The following BPIFB4 variants were observed in gnomAD, a reference collection of about 807,000 sequenced individuals.
BPIFB4 encodes the protein BPI fold containing family B member 4, also known as BPI fold-containing family B member 4.
BPIFB4 carries 62 observed loss-of-function variants against 69.2 expected under a neutral mutation model. That is an observed-to-expected ratio of 0.90 (90% CI 0.73 to 1.11). BPIFB4 has a LOEUF of 1.11. Ranked by LOEUF, BPIFB4 falls within the 50% of genes least tolerant of loss-of-function variation. The pLI is 0.00. For missense variants in BPIFB4, 789 were observed against 792.0 expected (o/e 1.00, Z 0.04); for synonymous variants, 330 against 332.7 (o/e 0.99, Z 0.09).
Position 33,084,928 on chromosome 20 carries a change from C to T in BPIFB4, c.714C>T (p.Ser238=), listed in dbSNP as rs140769900. 9 of 1,610,762 alleles carry T rather than the reference C, an allele frequency of 5.6e-6. No homozygotes were observed. Among genetic ancestry groups the T allele is most frequent in the South Asian group, 5.5e-5 (5 of 91,058 alleles). The change falls in exon 6 of 18, where the codon TCC becomes TCT. Residue 238 remains serine, a synonymous_variant. Transcript: ENST00000375483. ...RIVELTLPRV[S]VRLLPGVGVY... ...TGGAGCTGACCCTCCCTCGGGTGTC[C>T]GTGCGGCTCCTGCCCGGCGTGGGTG...
At chr20:33,105,741 C>T (rs567589910) in intron 16 of BPIFB4, among the ~76,000 whole-genome samples, 43 of 152,282 alleles carry the variant, frequency 2.8e-4, no homozygotes, top group Admixed American at 2.7e-3. Context: ...GTTCTGGGCC[C>T]TGTGGTCAGA....
At chr20:33,104,628 T>TGG (rs373940558) in intron 15 of BPIFB4, 182 bp from the exon 16 acceptor site, 113 of 571,112 alleles carry the variant, frequency 2.0e-4, no homozygotes, top group African/African-American at 1.9e-3. Flanking sequence ...TGCAAGTTGA[T>TGG]GGGGGGCACC....
rs1271417747 is a variant in BPIFB4 at position 33,108,436 on chromosome 20, T to TATATATATACACACACAC, written c.1821+617_1821+618insTATATATACACACACACA. The stretch of plus-strand genomic sequence containing the variant: ...ATATATATATGTCTATATATATATA[T>TATATATATACACACACAC]AGACATATATACAATCCAGCAATTC... On this transcript the variant is annotated intron_variant, in intron 17 of 17. Coordinates refer to ENST00000375483, the MANE Select transcript of BPIFB4 (RefSeq NM_182519.3). 5.0e-3 allele frequency among the ~76,000 whole-genome samples: 740 copies of TATATATATACACACACAC among 148,558 alleles called. 5 individuals carry two copies. Among genetic ancestry groups the TATATATATACACACACAC allele is most frequent in the African/African-American group, 0.017 (694 of 40,268 alleles).
intron 7 of BPIFB4, among the ~76,000 whole-genome samples, chr20:33,087,442 G>C (rs13042908): frequency 3.3e-5 from 5 of 151,930 alleles, no homozygotes; most frequent in African/African-American, 1.2e-4. Context: ...CCTATTGGGA[G>C]AATTTTCTGC....
chr20:33,089,454 T>C (rs746054910), intron 8 of BPIFB4, 44 bp from the exon 9 acceptor site: 11 of 1,614,000 alleles, frequency 6.8e-6, no homozygotes, highest in Non-Finnish European at 7.6e-6. Context: ...TTGCTCCTAC[T>C]CCCTGCAGCG....
chr20:33,083,934 A>G, intron 5 of BPIFB4, 60 bp downstream of exon 5: 2 of 1,515,998 alleles, frequency 1.3e-6, no homozygotes, highest in Non-Finnish European at 1.8e-6. Flanking sequence ...GGGGGTGATC[A>G]CTCCCTGAAG....
At position 33,086,026 on chromosome 20, in the gene BPIFB4, T is replaced by C. The variant is rs558154507; in HGVS notation, c.788T>C (p.Ile263Thr). 3 of 1,607,366 alleles carry C rather than the reference T, an allele frequency of 1.9e-6. No homozygotes were observed. The highest frequency in any genetic ancestry group is 1.1e-5 in the South Asian group (1 of 90,962). ...GGCCCCTTGGCCTCCTCCAGTCTTA[T>C]TGGCTTCCTGGACATCGCAGTAGAA... ...TRVAINGKSLIGFLDIAVEVN... is the reference protein window; with the variant it reads ...TRVAINGKSLTGFLDIAVEVN... The change falls in exon 7 of 18, where the codon ATT becomes ACT. Residue 263 changes from isoleucine (I) to threonine (T), a missense_variant. Ile to Thr is a moderately conservative substitution (Grantham distance 89). Transcript: ENST00000375483.
At chr20:33,085,962 G>A in intron 6 of BPIFB4, 59 bp from the exon 7 acceptor site, 1 of 1,555,008 alleles carries the variant, frequency 6.4e-7, no homozygotes, top group Non-Finnish European at 8.8e-7. Context: ...CTGGGTAAGG[G>A]TGAGCTCCTG....
At chr20:33,090,311 C>T (rs1485277418) in intron 9 of BPIFB4, among the ~76,000 whole-genome samples, 1 of 152,206 alleles carries the variant, frequency 6.6e-6, no homozygotes, top group African/African-American at 2.4e-5. Flanking sequence ...AAAGCTGGGG[C>T]TGTTCATTAC....
At chr20:33,088,158 T>G (rs1258523770) in intron 7 of BPIFB4, among the ~76,000 whole-genome samples, 2 of 151,998 alleles carry the variant, frequency 1.3e-5, no homozygotes, top group Non-Finnish European at 2.9e-5. Context: ...TCGTCGATTT[T>G]CCTCCTTAAC....
chr20:33,104,534 G>A (rs969617153), intron 15 of BPIFB4, among the ~76,000 whole-genome samples: 4 of 152,194 alleles, frequency 2.6e-5, no homozygotes, highest in African/African-American at 9.7e-5. Context: ...CCCAGGGGAG[G>A]AACTAGGCCT....
intron 11 of BPIFB4, 34 bp downstream of exon 11, chr20:33,092,692 G>A: frequency 1.9e-6 from 3 of 1,569,660 alleles, no homozygotes; most frequent in Non-Finnish European, 1.7e-6. Flanking sequence ...GAGGTGGCTG[G>A]GCAGCAGACA....
chr20:33,081,461 C>G, intron 2 of BPIFB4, 51 bp from the exon 3 acceptor site: 1 of 1,531,142 alleles, frequency 6.5e-7, no homozygotes, highest in Non-Finnish European at 8.8e-7. Context: ...TACCTGCTGG[C>G]CAGGGTGGTG....
rs2146404371 is a variant in BPIFB4 at position 33,086,173 on chromosome 20, T to C, written c.926+9T>C. 6.2e-7 allele frequency: 1 copy of C among 1,601,654 alleles called. No homozygotes were observed. The highest frequency in any genetic ancestry group is 8.5e-7 in the Non-Finnish European group (1 of 1,169,662). On this transcript the variant is annotated intron_variant, in intron 7 of 17. Coordinates refer to ENST00000375483, the MANE Select transcript of BPIFB4 (RefSeq NM_182519.3). ...GTCAAGCTGCTGCGAGGGTGAGTGCTAGCCGGCAGTGGAGTGCCTTGGGGG... is the reference window on the plus strand; with the variant it reads ...GTCAAGCTGCTGCGAGGGTGAGTGCCAGCCGGCAGTGGAGTGCCTTGGGGG...
intron 10 of BPIFB4, 55 bp from the exon 11 acceptor site, chr20:33,092,403 C>T: frequency 1.3e-6 from 2 of 1,503,688 alleles, no homozygotes; most frequent in Non-Finnish European, 9.1e-7. Context: ...AGCCTTCAGT[C>T]CCCTTCTTTC....
At chr20:33,098,735 A>C (rs962599633) in intron 13 of BPIFB4, among the ~76,000 whole-genome samples, 1 of 129,806 alleles carries the variant, frequency 7.7e-6, no homozygotes, top group Non-Finnish European at 1.6e-5. Context: ...ACAGAGCAAG[A>C]CTCCATCTCA....
intron 7 of BPIFB4, among the ~76,000 whole-genome samples, chr20:33,087,830 C>T (rs1414050164): frequency 1.3e-5 from 2 of 151,712 alleles, no homozygotes; most frequent in African/African-American, 2.4e-5. Context: ...AGGATAAGCC[C>T]GTCAAGGTGA....
chr20:33,095,004 G>A, intron 11 of BPIFB4, 96 bp from the exon 12 acceptor site: 1 of 1,237,510 alleles, frequency 8.1e-7, no homozygotes, highest in Non-Finnish European at 1.2e-6. Flanking sequence ...CCTGCTGGGT[G>A]TTGTAAAGCA....
rs1982242411 is a variant in BPIFB4, at chr20:33,111,640, G to C, written c.*203G>C. The C allele has an allele frequency of 1.6e-6, 1 of 623,316 alleles. No homozygotes were observed. Among genetic ancestry groups the C allele is most frequent in the East Asian group, 2.8e-5 (1 of 35,858 alleles). 38.6% of individuals were successfully genotyped at this position (623,316 alleles called of 1,614,324 possible). A position where few individuals can be genotyped will look rare whatever the true frequency, so the allele number is the denominator to read the frequency against. Reference sequence around the variant, plus strand: ...CTGTTGGCAAACATTCCCTTCCATGGTCAGCCTGCCAGGAGGAGGGGAGTC... The same window carrying C: ...CTGTTGGCAAACATTCCCTTCCATGCTCAGCCTGCCAGGAGGAGGGGAGTC... On this transcript the variant is annotated 3_prime_UTR_variant, in exon 18 of 18. Coordinates refer to ENST00000375483, the MANE Select transcript of BPIFB4 (RefSeq NM_182519.3).
Sources: gnomAD v4.1 joint callset for allele counts (sites outside exome capture counted in the v4.1 genomes callset) on GRCh38, gnomAD v4.1.1 for gene constraint, MANE v1.5 for transcripts, NCBI Gene and HGNC (gene_info 2026-07-23, HGNC 2026-07-21) for gene names.